PCDHGA2: variants seen among roughly 807,000 people sequenced by gnomAD.
PCDHGA2 encodes the protein protocadherin gamma-A2.
A neutral mutation model predicts 59.2 loss-of-function variants in PCDHGA2; 40 were observed. The ratio of observed to expected loss-of-function variants is 0.68; its 90% CI spans 0.52 to 0.88. The LOEUF is 0.88. Ranked by LOEUF, PCDHGA2 falls within the 40% of genes least tolerant of loss-of-function variation. The pLI, the probability that PCDHGA2 is intolerant of heterozygous loss-of-function variation, is 0.00. For missense variants in PCDHGA2, 1,226 were observed against 1,204.0 expected, an observed-to-expected ratio of 1.02 and a Z score of -0.27; for synonymous variants, 560 against 526.0, an observed-to-expected ratio of 1.06 and a Z score of -0.89.
intron 1 of PCDHGA2, chr5:141,393,077 C>T (rs2150506328): frequency 6.2e-7 from 1 of 1,613,710 alleles, no homozygotes; most frequent in Non-Finnish European, 8.5e-7. Flanking sequence ...TCACCGCGGG[C>T]AGGATAGATC....
At chr5:141,346,518 C>A in intron 1 of PCDHGA2, 1 of 1,596,576 alleles carries the variant, frequency 6.3e-7, no homozygotes. Flanking sequence ...TATTATAAAG[C>A]TTTAACACAT....
chr5:141,350,943 G>A (rs542251559), intron 1 of PCDHGA2: 6 of 1,614,070 alleles, frequency 3.7e-6, no homozygotes, highest in Non-Finnish European at 5.1e-6. Context: ...ATCTGGATCC[G>A]AGTTACGGAT....
In PCDHGA2 at chr5:141,491,807, G is replaced by A; in HGVS notation, c.2425-3000G>A. On this transcript the variant is annotated intron_variant, in intron 1 of 3. Transcript: ENST00000394576. The surrounding 1 kb of genome is among the most constrained non-coding windows in gnomAD (Gnocchi z 6.9). ...CATCCACTCCTCTCCGGCCGGCTTG[G>A]TCGCTGGCTGCGCTCCACCCGATTC... is the stretch of plus-strand genomic sequence containing the variant. 1 of 1,491,112 alleles carries A rather than the reference G, an allele frequency of 6.7e-7. No homozygotes were observed. The highest frequency in any genetic ancestry group is 1.4e-5 in the South Asian group (1 of 73,752). The allele number at this position is 1,491,112 out of a possible 1,614,324, so 92.4% of individuals were successfully genotyped here. A position where few individuals can be genotyped will look rare whatever the true frequency, so the allele number is the denominator to read the frequency against.
At position 141,476,994 on chromosome 5, in the gene PCDHGA2, A is replaced by T; in HGVS notation, c.2425-17813A>T. 6.2e-7 allele frequency: 1 copy of T among 1,614,260 alleles called. No individual in the cohort carries two copies. The highest frequency in any genetic ancestry group is 2.2e-5 in the East Asian group (1 of 44,884). On this transcript the variant is annotated intron_variant, in intron 1 of 3. Transcript: ENST00000394576. This position sits in a 1 kb window ranked among gnomAD's most constrained non-coding sequence, Gnocchi z 7.6. ...AGCCACAACCGCGCCGGCGTGCGGC[A>T]ACTATTCGCCTTAGACCTTGTAACC...
chr5:141,467,952 C>A (rs1341210155), intron 1 of PCDHGA2, among the ~76,000 whole-genome samples: 1 of 152,186 alleles, frequency 6.6e-6, no homozygotes, highest in Non-Finnish European at 1.5e-5. Flanking sequence ...AGCCACCACA[C>A]CCGGCTGCCA....
chr5:141,378,385 G>T, intron 1 of PCDHGA2: 1 of 152,308 alleles, frequency 6.6e-6, no homozygotes, highest in Non-Finnish European at 1.5e-5. Flanking sequence ...TAGCCAGGTG[G>T]GGTGGCATGG....
At chr5:141,389,765 G>C in intron 1 of PCDHGA2, 1 of 1,612,992 alleles carries the variant, frequency 6.2e-7, no homozygotes, top group Non-Finnish European at 8.5e-7. Context: ...TGCGCACAGC[G>C]CGTGCCTTAG....
At chr5:141,404,391 A>C (rs773558298) in intron 1 of PCDHGA2, 1 of 1,613,924 alleles carries the variant, frequency 6.2e-7, no homozygotes, top group South Asian at 1.1e-5. Context: ...TATGACCCTG[A>C]TAGCAATGAG....
chr5:141,409,919 G>C (rs774277848), intron 1 of PCDHGA2: 1 of 1,613,346 alleles, frequency 6.2e-7, no homozygotes, highest in South Asian at 1.1e-5. Flanking sequence ...TGACGGCTCC[G>C]CGTTCTTCGA....
chr5:141,488,312 A>G lies in PCDHGA2; in HGVS notation c.2425-6495A>G, dbSNP rs952247975. 7.9e-5 allele frequency among the ~76,000 whole-genome samples: 12 copies of G among 152,286 alleles called. 1 individual carries two copies. Among genetic ancestry groups the G allele is most frequent in the African/African-American group, 2.9e-4 (12 of 41,558 alleles). On this transcript the variant is annotated intron_variant, in intron 1 of 3. Coordinates refer to ENST00000394576, the MANE Select transcript of PCDHGA2 (RefSeq NM_018915.4). ...AGTAAGTGAAATCACTTATGTCAGA[A>G]AACTGGTTTACAGTTGGCTGATTCA...
intron 1 of PCDHGA2, chr5:141,357,255 C>T (rs1760523237): frequency 3.1e-6 from 5 of 1,613,736 alleles, no homozygotes; most frequent in Non-Finnish European, 4.2e-6. Flanking sequence ...CAGACCCAGA[C>T]GACTCGGGCC....
At position 141,398,516 on chromosome 5, in the gene PCDHGA2, C is replaced by G. The variant is rs779535322; in HGVS notation, c.2424+57121C>G. On this transcript the variant is annotated intron_variant, in intron 1 of 3. Coordinates refer to ENST00000394576, the MANE Select transcript of PCDHGA2 (RefSeq NM_018915.4). ...GAGATCGAGGACATTAATGACCACA[C>G]GCCAAAATTCACGCAAAATTCCTTT... is the stretch of plus-strand genomic sequence containing the variant. The G allele has an allele frequency of 4.4e-5, 70 of 1,598,584 alleles. No individual in the cohort carries two copies. The highest frequency in any genetic ancestry group is 4.3e-4 in the Admixed American group (25 of 58,660).
chr5:141,415,040 C>A (rs772941952), intron 1 of PCDHGA2: 3 of 1,613,520 alleles, frequency 1.9e-6, no homozygotes, highest in Non-Finnish European at 2.5e-6. Flanking sequence ...GGACTCTTCG[C>A]GGTGGGGGAG....
chr5:141,475,947 C>A, intron 1 of PCDHGA2: 1 of 748,120 alleles, frequency 1.3e-6, no homozygotes, highest in Non-Finnish European at 2.1e-6. Context: ...CGTCCCCTTT[C>A]TGCGCCCCGG....
intron 1 of PCDHGA2, chr5:141,424,187 A>C (rs2096804354): frequency 5.3e-6 from 1 of 188,948 alleles, no homozygotes; most frequent in African/African-American, 2.4e-5. Context: ...ACATGCACAC[A>C]CACTTATACA....
rs1417059875 is a variant in PCDHGA2 at position 141,496,499 on chromosome 5, G to C, written c.2483+1634G>C. 2.6e-5 allele frequency among the ~76,000 whole-genome samples: 4 copies of C among 152,102 alleles called. No individual in the cohort carries two copies. In the East Asian group the frequency reaches 7.7e-4, roughly 29 times the overall value. On this transcript the variant is annotated intron_variant, in intron 2 of 3. Coordinates refer to ENST00000394576, the MANE Select transcript of PCDHGA2 (RefSeq NM_018915.4). ...TCCTGCAACCAACCAAACCCTTGTT[G>C]CCACAAGGACCCAGGAGCCCTTGGT...
At chr5:141,472,980 C>CAAAAAAAA (rs60579131) in intron 1 of PCDHGA2, among the ~76,000 whole-genome samples, 7 of 86,098 alleles carry the variant, frequency 8.1e-5, no homozygotes, top group Admixed American at 1.2e-4. Context: ...GAGTGAAACT[C>CAAAAAAAA]AAAAAAAAAA....
At chr5:141,372,835 C>G in intron 1 of PCDHGA2, 2 of 1,535,142 alleles carry the variant, frequency 1.3e-6, no homozygotes, top group Non-Finnish European at 1.8e-6. Flanking sequence ...CCTTTCCTTC[C>G]ATAAATATAA....
Position 141,485,616 on chromosome 5 carries a change from C to T in PCDHGA2, c.2425-9191C>T. On this transcript the variant is annotated intron_variant, in intron 1 of 3. Coordinates refer to ENST00000394576, the MANE Select transcript of PCDHGA2 (RefSeq NM_018915.4). This position sits in a 1 kb window ranked among gnomAD's most constrained non-coding sequence, Gnocchi z 5.7. ...TTGGAAATTGGGGAGGCAGCTCCTCCAGGACAGCGTTTCCCGTTGGAAAAG... is the reference window on the plus strand; with the variant it reads ...TTGGAAATTGGGGAGGCAGCTCCTCTAGGACAGCGTTTCCCGTTGGAAAAG... 1 of 1,612,210 alleles carries T rather than the reference C, an allele frequency of 6.2e-7. No individual in the cohort carries two copies.
Sources: gnomAD v4.1 joint callset for allele counts (sites outside exome capture counted in the v4.1 genomes callset) on GRCh38, gnomAD v4.1.1 for gene constraint, Gnocchi (gnomAD v3.1) non-coding constraint, MANE v1.5 for transcripts, NCBI Gene and HGNC (gene_info 2026-07-23, HGNC 2026-07-21) for gene names.